CYYR1: variants seen among roughly 807,000 people sequenced by gnomAD.
The protein encoded by CYYR1 is cysteine and tyrosine rich 1, also known as cysteine and tyrosine-rich protein 1.
CYYR1 carries 14 observed loss-of-function variants against 15.2 expected under a neutral mutation model. The observed-to-expected ratio is 0.92, with a 90% CI of 0.61 to 1.44. CYYR1 has a LOEUF of 1.44. Ranked by LOEUF, CYYR1 falls within the 40% of genes most tolerant of loss-of-function variation. The pLI is 0.00. For missense variants in CYYR1, 228 were observed against 209.5 expected (o/e 1.09, Z -0.54); for synonymous variants, 80 against 77.4 (o/e 1.03, Z -0.18).
At chr21:26,483,670 A>G (rs1601735385) in intron 2 of CYYR1, among the ~76,000 whole-genome samples, 1 of 152,074 alleles carries the variant, frequency 6.6e-6, no homozygotes, top group African/African-American at 2.4e-5. Flanking sequence ...TTCATCTCAG[A>G]CACCCAGTCT....
intron 2 of CYYR1, among the ~76,000 whole-genome samples, chr21:26,508,140 T>C (rs1162105143): frequency 6.6e-6 from 1 of 152,210 alleles, no homozygotes; most frequent in Non-Finnish European, 1.5e-5. Context: ...TGAGAGGGCA[T>C]GGCATTTGCA....
chr21:26,523,605 G>A (rs1448463144), intron 2 of CYYR1, among the ~76,000 whole-genome samples: 1 of 152,062 alleles, frequency 6.6e-6, no homozygotes, highest in Non-Finnish European at 1.5e-5. Flanking sequence ...TGATGCTCCA[G>A]CCACTCCAGT....
At chr21:26,487,531 A>G (rs1385352957) in intron 2 of CYYR1, among the ~76,000 whole-genome samples, 1 of 152,166 alleles carries the variant, frequency 6.6e-6, no homozygotes, top group African/African-American at 2.4e-5. Flanking sequence ...AAATACTGTA[A>G]TACCCTTGAA....
intron 2 of CYYR1, among the ~76,000 whole-genome samples, chr21:26,526,456 A>G (rs1205974794): frequency 6.6e-6 from 1 of 151,528 alleles, no homozygotes; most frequent in Non-Finnish European, 1.5e-5. Flanking sequence ...CCCACCCCCC[A>G]ACAACAACAA....
chr21:26,469,586 C>T (rs1448025059), intron 3 of CYYR1, among the ~76,000 whole-genome samples: 2 of 152,056 alleles, frequency 1.3e-5, no homozygotes, highest in Non-Finnish European at 2.9e-5. Context: ...ATCAGGGCAA[C>T]TGGCATACCC....
intron 2 of CYYR1, among the ~76,000 whole-genome samples, chr21:26,528,256 T>C (rs1197321642): frequency 6.6e-6 from 1 of 152,180 alleles, no homozygotes; most frequent in Non-Finnish European, 1.5e-5. Flanking sequence ...AATTTGTTAA[T>C]GCAACTGATA....
chr21:26,519,051 T>A (rs530281232), intron 2 of CYYR1, among the ~76,000 whole-genome samples: 10 of 152,204 alleles, frequency 6.6e-5, no homozygotes, highest in Non-Finnish European at 1.5e-4. Context: ...GTCTTATACA[T>A]TTTTGTATCC....
intron 2 of CYYR1, among the ~76,000 whole-genome samples, chr21:26,561,316 T>C (rs1442299843): frequency 6.6e-6 from 1 of 151,404 alleles, no homozygotes; most frequent in Admixed American, 6.6e-5. Context: ...TTAAATGGTT[T>C]TTTTTTTTTT....
chr21:26,566,618 G>T (rs548648264), intron 1 of CYYR1, among the ~76,000 whole-genome samples: 1 of 152,250 alleles, frequency 6.6e-6, no homozygotes, highest in Non-Finnish European at 1.5e-5. Context: ...ACCAGTCAGG[G>T]TTAGTGGAAT....
At chr21:26,556,376 G>A (rs927683448) in intron 2 of CYYR1, among the ~76,000 whole-genome samples, 12 of 152,048 alleles carry the variant, frequency 7.9e-5, no homozygotes, top group African/African-American at 2.7e-4. Context: ...CTAGCTTCTC[G>A]TCCTCTTAGG....
chr21:26,499,330 A>G (rs2065449195), intron 2 of CYYR1, among the ~76,000 whole-genome samples: 1 of 152,228 alleles, frequency 6.6e-6, no homozygotes, highest in African/African-American at 2.4e-5. Flanking sequence ...CTGTAGAGGC[A>G]GAGATTTCAG....
In CYYR1 at chr21:26,485,256, G is replaced by A. The variant is rs550529310; in HGVS notation, c.177-4827C>T. On this transcript the variant is annotated intron_variant, in intron 2 of 3. Transcript: ENST00000652641. ...TAAAAAGAGTACAGAGAGAGCTCAC[G>A]TACCCTTCACCCAGTTTCCCCAGAT... Among the ~76,000 whole-genome samples, 3 of 151,972 alleles carry A rather than the reference G, an allele frequency of 2.0e-5. No homozygotes were observed. In the South Asian group the frequency reaches 6.2e-4, roughly 32 times the overall value.
At chr21:26,549,151 G>C (rs1006818724) in intron 2 of CYYR1, among the ~76,000 whole-genome samples, 6 of 152,074 alleles carry the variant, frequency 3.9e-5, no homozygotes, top group African/African-American at 1.4e-4. Context: ...CTGAAAAATA[G>C]AGCAGGTTTT....
At chr21:26,472,373 G>C (rs2065046574) in intron 3 of CYYR1, among the ~76,000 whole-genome samples, 1 of 151,524 alleles carries the variant, frequency 6.6e-6, no homozygotes. Flanking sequence ...GAATTAATTA[G>C]CTGGCTTAAG....
intron 2 of CYYR1, among the ~76,000 whole-genome samples, chr21:26,544,905 C>T (rs565537554): frequency 7.9e-5 from 12 of 151,844 alleles, no homozygotes; most frequent in Admixed American, 4.6e-4. Context: ...TGTGATTACC[C>T]CACTGCCCTC....
chr21:26,513,276 C>T (rs2065675984), intron 2 of CYYR1, among the ~76,000 whole-genome samples: 1 of 152,192 alleles, frequency 6.6e-6, no homozygotes, highest in South Asian at 2.1e-4. Context: ...TGCCTACTAT[C>T]TTATATGATC....
rs71183558 is a variant in CYYR1 at position 26,520,113 on chromosome 21, G to GATATATATAT, written c.177-39694_177-39685dup. On this transcript the variant is annotated intron_variant, in intron 2 of 3. Coordinates refer to ENST00000652641, the MANE Select transcript of CYYR1 (RefSeq NM_001320768.2). ...TCTTCTTCTAAAAAAAAACCCAGGA[G>GATATATATAT]ATATATATATATATATATATATATA... Among the ~76,000 whole-genome samples, 882 of 120,584 alleles carry GATATATATAT rather than the reference G, an allele frequency of 7.3e-3. 8 individuals are homozygous for GATATATATAT. The highest frequency in any genetic ancestry group is 0.018 in the Middle Eastern group (4 of 228). 79.1% of individuals were successfully genotyped at this position (120,584 alleles called of 152,430 possible).
At chr21:26,539,309 A>G (rs1362418843) in intron 2 of CYYR1, among the ~76,000 whole-genome samples, 1 of 152,120 alleles carries the variant, frequency 6.6e-6, no homozygotes, top group Admixed American at 6.6e-5. Context: ...GCCTTTCACG[A>G]GCCAAGCAGG....
At chr21:26,531,223 C>T (rs2065926478) in intron 2 of CYYR1, among the ~76,000 whole-genome samples, 1 of 152,184 alleles carries the variant, frequency 6.6e-6, no homozygotes, top group African/African-American at 2.4e-5. Flanking sequence ...ATCAGTGGCT[C>T]ATGCTCACCA....
Sources: allele counts gnomAD v4.1 joint callset (sites outside exome capture counted in the v4.1 genomes callset), GRCh38; gene constraint gnomAD v4.1.1; transcripts MANE v1.5; gene names NCBI Gene and HGNC (gene_info 2026-07-23, HGNC 2026-07-21).